The following SGMS1 variants were observed in gnomAD, a reference collection of about 807,000 sequenced individuals.
The protein encoded by SGMS1 is sphingomyelin synthase 1, also known as phosphatidylcholine:ceramide cholinephosphotransferase 1.
A neutral mutation model predicts 46.2 loss-of-function variants in SGMS1; 13 were observed. The observed-to-expected ratio is 0.28, with a 90% confidence interval of 0.18 to 0.45. The LOEUF (loss-of-function observed/expected upper bound fraction) is 0.45. SGMS1 is among the 20% of genes least tolerant of loss of function. The probability of loss-of-function intolerance (pLI) is 1.00; values close to 1 mark genes in which losing one functional copy is unlikely to be tolerated. For missense variants in SGMS1, 324 were observed against 519.9 expected (o/e 0.62, Z 3.66); for synonymous variants, 203 against 187.8 (o/e 1.08, Z -0.66).
rs545946448 is a variant in SGMS1 at position 50,494,853 on chromosome 10, G to A, written c.-498+24978C>T. On this transcript the variant is annotated intron_variant, in intron 3 of 10. Transcript: ENST00000361781. Reference sequence around the variant, plus strand: ...AGATCGAGACCATCCCGGCTAAAACGGTGAAACCCTGTCTCTACTAAAAAT... The same window carrying A: ...AGATCGAGACCATCCCGGCTAAAACAGTGAAACCCTGTCTCTACTAAAAAT... Among the ~76,000 whole-genome samples the A allele has an allele frequency of 6.1e-3, 922 of 151,652 alleles. 11 individuals are homozygous for A. The highest frequency in any genetic ancestry group is 0.021 in the African/African-American group (878 of 41,350).
intron 2 of SGMS1, among the ~76,000 whole-genome samples, chr10:50,543,668 G>A (rs1490377115): frequency 1.3e-5 from 2 of 152,168 alleles, no homozygotes; most frequent in African/African-American, 4.8e-5. Context: ...GAAGTAGACA[G>A]GAACTTCCTT....
intron 2 of SGMS1, among the ~76,000 whole-genome samples, chr10:50,555,025 A>G (rs1011144322): frequency 6.6e-6 from 1 of 152,196 alleles, no homozygotes; most frequent in Non-Finnish European, 1.5e-5. Context: ...ACCTCTAACC[A>G]TATAGGAAAG....
intron 9 of SGMS1, among the ~76,000 whole-genome samples, 163 bp from the exon 10 acceptor site, chr10:50,308,311 G>A (rs1847205862): frequency 6.6e-6 from 1 of 152,160 alleles, no homozygotes; most frequent in Admixed American, 6.5e-5. Flanking sequence ...ACCAAGGTTA[G>A]AACAGAAACA....
At chr10:50,325,953 C>G (rs546759135) in intron 8 of SGMS1, among the ~76,000 whole-genome samples, 1 of 152,126 alleles carries the variant, frequency 6.6e-6, no homozygotes, top group South Asian at 2.1e-4. Context: ...CCCTATAACC[C>G]AGGAGCTACA....
intron 4 of SGMS1, among the ~76,000 whole-genome samples, chr10:50,465,942 T>C (rs1293185384): frequency 6.6e-6 from 1 of 151,406 alleles, no homozygotes; most frequent in Non-Finnish European, 1.5e-5. Flanking sequence ...AAAAAAATAA[T>C]AAAGTAGACA....
At chr10:50,408,268 T>C (rs572954927) in intron 6 of SGMS1, among the ~76,000 whole-genome samples, 1 of 151,976 alleles carries the variant, frequency 6.6e-6, no homozygotes, top group African/African-American at 2.4e-5. Flanking sequence ...AAAAGCAACA[T>C]AGAAATACTA....
At chr10:50,568,004 G>C (rs1838304458) in intron 2 of SGMS1, among the ~76,000 whole-genome samples, 1 of 152,128 alleles carries the variant, frequency 6.6e-6, no homozygotes, top group Non-Finnish European at 1.5e-5. Flanking sequence ...TTAAGGTTTG[G>C]GGGAGGGGGT....
At chr10:50,480,687 A>G (rs564648523) in intron 3 of SGMS1, among the ~76,000 whole-genome samples, 4 of 152,248 alleles carry the variant, frequency 2.6e-5, no homozygotes, top group East Asian at 3.9e-4. Context: ...TCCCAAACAC[A>G]GAGCTGTGCA....
At chr10:50,322,802 G>A (rs1847470056) in intron 8 of SGMS1, among the ~76,000 whole-genome samples, 2 of 136,946 alleles carry the variant, frequency 1.5e-5, no homozygotes, top group African/African-American at 2.8e-5. Context: ...ACTGCAGTCC[G>A]CAGTCCGGCC....
At chr10:50,586,765 C>T (rs768568546) in intron 2 of SGMS1, among the ~76,000 whole-genome samples, 2 of 152,238 alleles carry the variant, frequency 1.3e-5, no homozygotes, top group African/African-American at 4.8e-5. Context: ...GTCTAGATTC[C>T]TCCCTCATAT....
intron 2 of SGMS1, among the ~76,000 whole-genome samples, chr10:50,534,487 A>G (rs1210869433): frequency 6.6e-6 from 1 of 152,216 alleles, no homozygotes; most frequent in East Asian, 1.9e-4. Flanking sequence ...ACAGGGAACC[A>G]TTATCCATCA....
intron 3 of SGMS1, among the ~76,000 whole-genome samples, chr10:50,512,493 G>A (rs534930520): frequency 5.3e-5 from 8 of 152,264 alleles, no homozygotes; most frequent in African/African-American, 1.7e-4. Context: ...GATCAAGGAC[G>A]TCAACTCACA....
intron 3 of SGMS1, among the ~76,000 whole-genome samples, 166 bp downstream of exon 3, chr10:50,519,665 A>G (rs994111771): frequency 2.6e-5 from 4 of 152,186 alleles, no homozygotes; most frequent in Non-Finnish European, 4.4e-5. Context: ...CAAACCACAC[A>G]GGCCTTTTGT....
chr10:50,375,094 G>A (rs1177886245), intron 6 of SGMS1, among the ~76,000 whole-genome samples: 2 of 152,046 alleles, frequency 1.3e-5, no homozygotes, highest in African/African-American at 2.4e-5. Flanking sequence ...CCACAGGTTA[G>A]GTTAGGGAGC....
intron 1 of SGMS1, among the ~76,000 whole-genome samples, chr10:50,606,910 T>C (rs2131920874): frequency 6.6e-6 from 1 of 152,282 alleles, no homozygotes; most frequent in Non-Finnish European, 1.5e-5. Flanking sequence ...TTTTGTCACG[T>C]ACTTACCAAA....
chr10:50,372,956 T>C (rs199502870), intron 6 of SGMS1, among the ~76,000 whole-genome samples: 31 of 147,282 alleles, frequency 2.1e-4, no homozygotes, highest in Non-Finnish European at 3.0e-5. Flanking sequence ...ATAAAAAAAA[T>C]ATTCAAAACA....
chr10:50,495,467 A>T (rs1837607251), intron 3 of SGMS1, among the ~76,000 whole-genome samples: 1 of 152,174 alleles, frequency 6.6e-6, no homozygotes, highest in Non-Finnish European at 1.5e-5. Context: ...AATTCTGTAA[A>T]AAGACTGGTC....
At chr10:50,384,792 C>T (rs57222480) in intron 6 of SGMS1, among the ~76,000 whole-genome samples, 4,511 of 152,060 alleles carry the variant, frequency 0.03, 225 homozygotes, top group African/African-American at 0.1. Context: ...AGAGAAGCTG[C>T]AATAGTACAA....
intron 5 of SGMS1, among the ~76,000 whole-genome samples, chr10:50,447,067 T>C (rs1837027837): frequency 1.3e-5 from 2 of 152,246 alleles, no homozygotes; most frequent in South Asian, 4.1e-4. Context: ...AAATAGTCTT[T>C]GAACATTTGT....
Sources: gnomAD v4.1 joint callset for allele counts (sites outside exome capture counted in the v4.1 genomes callset) on GRCh38, gnomAD v4.1.1 for gene constraint, MANE v1.5 for transcripts, NCBI Gene and HGNC (gene_info 2026-07-23, HGNC 2026-07-21) for gene names.